CFDP1: variants seen among roughly 807,000 people sequenced by gnomAD.
CFDP1 encodes chromatin remodeling protein CFDP1.
Under a neutral mutation model 40.1 loss-of-function variants are expected in CFDP1, and 31 were observed. The ratio of observed to expected loss-of-function variants is 0.77; its 90% CI spans 0.58 to 1.04. The LOEUF (loss-of-function observed/expected upper bound fraction) is 1.04, where lower values mean the gene tolerates loss of function less well. Among genes scored for constraint, CFDP1 ranks in the 50% least tolerant of loss-of-function variants. CFDP1 has a pLI of 0.00. For missense variants in CFDP1, 423 were observed against 343.4 expected, an observed-to-expected ratio of 1.23 and a Z score of -1.83; for synonymous variants, 167 against 120.0, an observed-to-expected ratio of 1.39 and a Z score of -2.56.
intron 5 of CFDP1, among the ~76,000 whole-genome samples, chr16:75,335,150 T>C (rs1263551973): frequency 6.6e-6 from 1 of 152,186 alleles, no homozygotes; most frequent in African/African-American, 2.4e-5. Flanking sequence ...CAGGCTGGTC[T>C]TACCAGCTCA....
chr16:75,354,376 G>GA (rs1252315933), intron 5 of CFDP1, among the ~76,000 whole-genome samples: 3 of 152,172 alleles, frequency 2.0e-5, no homozygotes, highest in Admixed American at 1.3e-4. Context: ...TTGTGGAGAA[G>GA]AAAGTTGAAA....
intron 6 of CFDP1, among the ~76,000 whole-genome samples, chr16:75,295,950 G>A (rs1179194755): frequency 2.0e-5 from 3 of 152,272 alleles, no homozygotes; most frequent in African/African-American, 7.2e-5. Context: ...GGTCTCAGAG[G>A]CACGTTCACT....
At chr16:75,417,895 A>G (rs76860584) in intron 1 of CFDP1, among the ~76,000 whole-genome samples, 2,089 of 152,276 alleles carry the variant, frequency 0.014, 20 homozygotes, top group Non-Finnish European at 0.02. Flanking sequence ...TCATAGGTTA[A>G]AGCAAGTAAT....
At chr16:75,318,172 A>G (rs921242947) in intron 5 of CFDP1, among the ~76,000 whole-genome samples, 1 of 152,028 alleles carries the variant, frequency 6.6e-6, no homozygotes, top group Non-Finnish European at 1.5e-5. Flanking sequence ...GACCCTTCTC[A>G]AGGAGAACTG....
chr16:75,367,792 CA>C (rs36057090), intron 5 of CFDP1, among the ~76,000 whole-genome samples: 24,051 of 105,184 alleles, frequency 0.23, 2,158 homozygotes, highest in African/African-American at 0.34. Context: ...CACTCCATCT[CA>C]AAAAAAAAAA....
At chr16:75,305,224 TG>T in intron 5 of CFDP1, 42 bp from the exon 6 acceptor site, 1 of 1,596,072 alleles carries the variant, frequency 6.3e-7, no homozygotes, top group Non-Finnish European at 8.6e-7. Flanking sequence ...GTAAAAACTC[TG>T]ATCTCTATAT....
chr16:75,398,202 G>C (rs1292169776), intron 4 of CFDP1, among the ~76,000 whole-genome samples: 2 of 152,358 alleles, frequency 1.3e-5, no homozygotes, highest in Non-Finnish European at 1.5e-5. Flanking sequence ...CACTACTGTA[G>C]CAAGAGCTGA....
At chr16:75,397,181 TG>T (rs1488914394) in intron 4 of CFDP1, among the ~76,000 whole-genome samples, 8 of 151,538 alleles carry the variant, frequency 5.3e-5, no homozygotes, top group African/African-American at 1.2e-4. Context: ...CCCAAAGTGC[TG>T]GGATTACAGG....
chr16:75,433,170 G>C, intron 1 of CFDP1, 119 bp downstream of exon 1: 1 of 896,324 alleles, frequency 1.1e-6, no homozygotes, highest in Non-Finnish European at 1.7e-6. Flanking sequence ...GGACGCTCGA[G>C]AACAGGAGCC....
intron 5 of CFDP1, among the ~76,000 whole-genome samples, chr16:75,342,471 G>A (rs147202034): frequency 2.6e-5 from 4 of 152,136 alleles, no homozygotes; most frequent in African/African-American, 4.8e-5. Flanking sequence ...TTAACAGAAA[G>A]GCTGTAAAAG....
intron 1 of CFDP1, among the ~76,000 whole-genome samples, chr16:75,420,155 T>A (rs918303836): frequency 6.6e-6 from 1 of 151,674 alleles, no homozygotes; most frequent in Non-Finnish European, 1.5e-5. Flanking sequence ...CAATTTAAGT[T>A]TTAACCATTA....
intron 5 of CFDP1, among the ~76,000 whole-genome samples, chr16:75,342,022 T>C (rs976484940): frequency 3.3e-5 from 5 of 152,234 alleles, no homozygotes; most frequent in African/African-American, 1.2e-4. Context: ...AATATTTGTA[T>C]AGTTCACACA....
intron 5 of CFDP1, among the ~76,000 whole-genome samples, chr16:75,323,581 G>C (rs948408544): frequency 3.3e-5 from 5 of 152,062 alleles, no homozygotes; most frequent in African/African-American, 7.2e-5. Context: ...AGGAGTTCAA[G>C]ACCAGCCTGA....
intron 6 of CFDP1, among the ~76,000 whole-genome samples, chr16:75,303,650 G>A (rs1434105957): frequency 6.6e-6 from 1 of 152,110 alleles, no homozygotes; most frequent in Non-Finnish European, 1.5e-5. Context: ...GCAACATAGT[G>A]AGACCCTGTC....
intron 1 of CFDP1, among the ~76,000 whole-genome samples, chr16:75,418,405 T>C (rs1385911591): frequency 1.3e-5 from 2 of 151,206 alleles, no homozygotes; most frequent in African/African-American, 4.9e-5. Context: ...TCCCGGGTTT[T>C]ACGCCATTCT....
At chr16:75,345,555 G>C (rs77494736) in intron 5 of CFDP1, among the ~76,000 whole-genome samples, 2 of 152,232 alleles carry the variant, frequency 1.3e-5, no homozygotes, top group East Asian at 3.9e-4. Context: ...AGAGGAAGGA[G>C]GACTGTTTAA....
At chr16:75,304,817 C>T (rs1030446829) in intron 6 of CFDP1, among the ~76,000 whole-genome samples, 12 of 152,206 alleles carry the variant, frequency 7.9e-5, no homozygotes, top group Non-Finnish European at 1.2e-4. Flanking sequence ...TCACATGCCC[C>T]GCCTTCCCTC....
chr16:75,323,378 A>C (rs2078379423), intron 5 of CFDP1, among the ~76,000 whole-genome samples: 1 of 151,762 alleles, frequency 6.6e-6, no homozygotes, highest in South Asian at 2.1e-4. Context: ...CTATGACAAC[A>C]ATGCTTTCTT....
At chr16:75,394,400 T>A (rs1161074214) in intron 5 of CFDP1, among the ~76,000 whole-genome samples, 1 of 152,190 alleles carries the variant, frequency 6.6e-6, no homozygotes, top group Admixed American at 6.5e-5. Context: ...AGGAAAACCA[T>A]TAAGTTCCTG....
Sources: gnomAD v4.1 joint callset for allele counts (sites outside exome capture counted in the v4.1 genomes callset) on GRCh38, gnomAD v4.1.1 for gene constraint, MANE v1.5 for transcripts, NCBI Gene and HGNC (gene_info 2026-07-23, HGNC 2026-07-21) for gene names.